SHROOM4: variants seen among roughly 807,000 people sequenced by gnomAD.
SHROOM4 encodes the protein protein Shroom4.
In SHROOM4, 17 loss-of-function variants were observed where a neutral mutation model predicts 80.3. The observed-to-expected ratio is 0.21, with a 90% confidence interval of 0.14 to 0.32. SHROOM4 has a LOEUF of 0.32. SHROOM4 is among the 10% of genes least tolerant of loss of function. The pLI is 1.00. For synonymous variants in SHROOM4, 400 were observed against 437.5 expected (o/e 0.91, Z 1.07); for missense variants, 993 against 1,140.3 (o/e 0.87, Z 1.86).
intron 1 of SHROOM4, among the ~76,000 whole-genome samples, chrX:50,700,827 G>C (rs185036208): frequency 2.1e-4 from 24 of 112,129 alleles, no homozygotes; most frequent in African/African-American, 7.8e-4. Flanking sequence ...TTTTCAATGA[G>C]AATTGAAAAA....
chrX:50,729,732 G>C (rs781992737), intron 1 of SHROOM4, among the ~76,000 whole-genome samples: 1 of 111,109 alleles, frequency 9.0e-6, no homozygotes, highest in East Asian at 2.8e-4. Context: ...AAAATCTTGA[G>C]AGCATCAAGC....
chrX:50,628,373 G>A (rs1369073885), intron 4 of SHROOM4, among the ~76,000 whole-genome samples: 1 of 110,391 alleles, frequency 9.1e-6, no homozygotes, highest in Non-Finnish European at 1.9e-5. Context: ...TTTTTTCTAG[G>A]CCAAGCCATA....
downstream of SHROOM4, among the ~76,000 whole-genome samples, chrX:50,584,590 G>A (rs1177164399): frequency 8.9e-6 from 1 of 111,845 alleles, no homozygotes; most frequent in Non-Finnish European, 1.9e-5. Flanking sequence ...TAGTTCAGAG[G>A]ATAATAGTTG....
chrX:50,586,352 TGC>T (rs1557244833), downstream of SHROOM4, among the ~76,000 whole-genome samples: 1 of 111,925 alleles, frequency 8.9e-6, no homozygotes, highest in Non-Finnish European at 1.9e-5. Context: ...TTTTTTCCTT[TGC>T]AAAAAATAGA....
At chrX:50,796,595 T>A (rs966488792) in intron 1 of SHROOM4, among the ~76,000 whole-genome samples, 1 of 111,611 alleles carries the variant, frequency 9.0e-6, no homozygotes, top group South Asian at 3.7e-4. Flanking sequence ...TTCCTCATTG[T>A]ATAGAAAGGG....
intron 4 of SHROOM4, among the ~76,000 whole-genome samples, chrX:50,629,412 C>T (rs782680686): frequency 4.5e-5 from 5 of 111,897 alleles, no homozygotes; most frequent in Admixed American, 9.5e-5. Flanking sequence ...CTTTCACTTG[C>T]GGCCTCAGGC....
chrX:50,742,258 T>C (rs1406187898), intron 1 of SHROOM4, among the ~76,000 whole-genome samples: 1 of 111,624 alleles, frequency 9.0e-6, no homozygotes, highest in Non-Finnish European at 1.9e-5. Flanking sequence ...GACAAATTTC[T>C]AAGATACTAT....
At chrX:50,787,234 A>T (rs1935761662) in intron 1 of SHROOM4, among the ~76,000 whole-genome samples, 1 of 110,283 alleles carries the variant, frequency 9.1e-6, no homozygotes, top group Admixed American at 9.7e-5. Flanking sequence ...AGAAAAAAAA[A>T]AAAACAGAAA....
chrX:50,616,684 T>A (rs1930250693), intron 5 of SHROOM4, among the ~76,000 whole-genome samples: 1 of 111,514 alleles, frequency 9.0e-6, no homozygotes, highest in Non-Finnish European at 1.9e-5. Context: ...GTTTCATACC[T>A]CTGTGGTGGG....
intron 6 of SHROOM4, among the ~76,000 whole-genome samples, chrX:50,605,640 C>T (rs1557248374): frequency 8.9e-6 from 1 of 112,288 alleles, no homozygotes; most frequent in Non-Finnish European, 1.9e-5. Flanking sequence ...CCCTGTGACT[C>T]CTGGCCTATG....
At chrX:50,618,346 T>G (rs1420723635) in intron 5 of SHROOM4, among the ~76,000 whole-genome samples, 1 of 11,421 alleles carries the variant, frequency 8.8e-5, no homozygotes, top group Admixed American at 7.8e-4. Flanking sequence ...CTTCCTTCCT[T>G]CCTTCCTTCC....
chrX:50,767,553 C>T (rs1935303506), intron 1 of SHROOM4, among the ~76,000 whole-genome samples: 1 of 111,636 alleles, frequency 9.0e-6, no homozygotes, highest in African/African-American at 3.3e-5. Flanking sequence ...GAGGTCAAGA[C>T]ATGAGGGCCT....
At chrX:50,686,286 C>A (rs1557262250) in intron 2 of SHROOM4, among the ~76,000 whole-genome samples, 1 of 110,740 alleles carries the variant, frequency 9.0e-6, no homozygotes, top group African/African-American at 3.3e-5. Context: ...CCGCCCGCCT[C>A]GGCCTCCCAA....
chrX:50,619,627 GA>G (rs1474242867), intron 5 of SHROOM4, among the ~76,000 whole-genome samples: 1 of 112,031 alleles, frequency 8.9e-6, no homozygotes, highest in African/African-American at 3.2e-5. Context: ...AGAAATCAGA[GA>G]AGTCCTTGCT....
chrX:50,792,175 C>T (rs1935865299), intron 1 of SHROOM4, among the ~76,000 whole-genome samples: 1 of 111,779 alleles, frequency 8.9e-6, no homozygotes, highest in Non-Finnish European at 1.9e-5. Flanking sequence ...AACTAAAAGG[C>T]TTCTGCACAA....
chrX:50,702,773 CTTAAT>C lies in SHROOM4; in HGVS notation c.118-6841_118-6837del, dbSNP rs781921354. On this transcript the variant is annotated intron_variant, in intron 1 of 8. Transcript: ENST00000376020. ...GCATTTTACTATATGTAAATTATTC[CTTAAT>C]TTAAGAAAGAATTAAAAGAATAATT... Among the ~76,000 whole-genome samples, 4 of 111,607 alleles carry C rather than the reference CTTAAT, an allele frequency of 3.6e-5. No homozygotes were observed. In the East Asian group the frequency reaches 1.1e-3, roughly 32 times the overall value.
chrX:50,734,560 C>T (rs1267221269), intron 1 of SHROOM4, among the ~76,000 whole-genome samples: 1 of 110,822 alleles, frequency 9.0e-6, no homozygotes, highest in Non-Finnish European at 1.9e-5. Flanking sequence ...ACTACAGGTA[C>T]CCACCACCAC....
Position 50,596,131 on chromosome X carries a change from C to A in SHROOM4, c.*564G>T, listed in dbSNP as rs1441807411. ...AACCTGGTTCCTTCCTAAGGGGCAC[C>A]TGGGGGTACTCAACCTTTGCTTGCA... On this transcript the variant is annotated 3_prime_UTR_variant, in exon 9 of 9. Coordinates refer to ENST00000376020, the MANE Select transcript of SHROOM4 (RefSeq NM_020717.5). 3.0e-6 allele frequency: 1 copy of A among 328,570 alleles called. No individual in the cohort carries two copies. Among genetic ancestry groups the A allele is most frequent in the Non-Finnish European group, 5.9e-6 (1 of 169,900 alleles). The allele number at this position is 328,570 out of a possible 1,213,427, so 27.1% of individuals were successfully genotyped here.
intron 2 of SHROOM4, among the ~76,000 whole-genome samples, chrX:50,686,095 T>C (rs1557262231): frequency 9.1e-6 from 1 of 109,986 alleles, no homozygotes; most frequent in East Asian, 2.9e-4. Context: ...TGGCGTGAGA[T>C]CTCGGCTCAC....
Sources: allele counts gnomAD v4.1 joint callset (sites outside exome capture counted in the v4.1 genomes callset), GRCh38; gene constraint gnomAD v4.1.1; transcripts MANE v1.5; gene names NCBI Gene and HGNC (gene_info 2026-07-23, HGNC 2026-07-21).